Variants in ERC1 observed in about 807,000 individuals in gnomAD.
ERC1 encodes the protein RAB6 interacting protein 2.
ERC1 carries 56 observed loss-of-function variants against 132.0 expected under a neutral mutation model. That is an observed-to-expected ratio of 0.42 (90% CI 0.34 to 0.53). The LOEUF is 0.53. Among genes scored for constraint, ERC1 ranks in the 20% least tolerant of loss-of-function variants. The pLI is 0.03. For synonymous variants in ERC1, 478 were observed against 476.1 expected, an observed-to-expected ratio of 1.00 and a Z score of -0.05; for missense variants, 1,202 against 1,349.9, an observed-to-expected ratio of 0.89 and a Z score of 1.72.
At chr12:1,442,515 A>G (rs1357890707) in intron 17 of ERC1, among the ~76,000 whole-genome samples, 28 of 152,178 alleles carry the variant, frequency 1.8e-4, no homozygotes. Flanking sequence ...AATTTTAAAA[A>G]CAAAAGTAAT....
At chr12:1,438,306 A>G (rs2093001243) in intron 17 of ERC1, among the ~76,000 whole-genome samples, 1 of 152,226 alleles carries the variant, frequency 6.6e-6, no homozygotes, top group Non-Finnish European at 1.5e-5. Context: ...TTTACTTTTC[A>G]GAGTTTAGCT....
intron 15 of ERC1, among the ~76,000 whole-genome samples, chr12:1,297,444 G>A (rs1040144184): frequency 6.7e-6 from 1 of 149,824 alleles, no homozygotes; most frequent in African/African-American, 2.5e-5. Context: ...GCTCATGCCT[G>A]TAATCTCAAC....
intron 18 of ERC1, among the ~76,000 whole-genome samples, chr12:1,485,365 T>G (rs931286653): frequency 6.6e-6 from 1 of 151,740 alleles, no homozygotes; most frequent in Non-Finnish European, 1.5e-5. Context: ...CCACCACGCC[T>G]GGCTAGTTTT....
chr12:1,115,544 G>A (rs73591845), intron 6 of ERC1: 7,211 of 254,552 alleles, frequency 0.028, 539 homozygotes, highest in African/African-American at 0.15. Context: ...GTGTTCAGTT[G>A]CTTACTGCTG....
chr12:1,300,239 G>A (rs1323899136), intron 15 of ERC1, among the ~76,000 whole-genome samples: 1 of 152,088 alleles, frequency 6.6e-6, no homozygotes, highest in African/African-American at 2.4e-5. Context: ...TTCAATAAAT[G>A]GTCCTGGGAT....
chr12:1,342,446 G>A (rs1373675775), intron 15 of ERC1, among the ~76,000 whole-genome samples: 5 of 137,756 alleles, frequency 3.6e-5, no homozygotes, highest in African/African-American at 1.1e-4. Context: ...CAGCCTGGGC[G>A]ACAAAGAGCG....
At chr12:1,078,397 A>G (rs1023917913) in intron 2 of ERC1, among the ~76,000 whole-genome samples, 1 of 151,564 alleles carries the variant, frequency 6.6e-6, no homozygotes, top group Non-Finnish European at 1.5e-5. Context: ...TGGTAGTGAA[A>G]TGCATTTTAA....
chr12:1,291,758 G>C (rs963441332), intron 15 of ERC1, among the ~76,000 whole-genome samples: 2 of 152,140 alleles, frequency 1.3e-5, no homozygotes, highest in Non-Finnish European at 2.9e-5. Flanking sequence ...TGTAATTTTT[G>C]AGCGTCTGTT....
intron 12 of ERC1, among the ~76,000 whole-genome samples, chr12:1,232,195 G>T (rs915423745): frequency 6.6e-6 from 1 of 152,048 alleles, no homozygotes; most frequent in Non-Finnish European, 1.5e-5. Context: ...GTGTGTTGCG[G>T]GTTTCCTTGT....
intron 5 of ERC1, 47 bp from the exon 6 acceptor site, chr12:1,112,168 G>C: frequency 7.7e-7 from 1 of 1,290,726 alleles, no homozygotes; most frequent in South Asian, 1.2e-5. Flanking sequence ...ACAAGAAGAA[G>C]ACCTAAGTTG....
intron 12 of ERC1, among the ~76,000 whole-genome samples, chr12:1,210,956 T>C (rs1957808718): frequency 6.7e-6 from 1 of 149,878 alleles, no homozygotes; most frequent in Non-Finnish European, 1.5e-5. Flanking sequence ...GATTGTGCCA[T>C]GCCTAGCAAC....
chr12:1,197,832 G>C (rs1956478697), intron 12 of ERC1, among the ~76,000 whole-genome samples: 1 of 152,166 alleles, frequency 6.6e-6, no homozygotes, highest in Non-Finnish European at 1.5e-5. Context: ...CACAGAGGCT[G>C]GTCATCCCAG....
At chr12:1,373,932 A>C (rs2087557375) in intron 16 of ERC1, among the ~76,000 whole-genome samples, 1 of 152,260 alleles carries the variant, frequency 6.6e-6, no homozygotes, top group African/African-American at 2.4e-5. Context: ...ATGAAGAGAA[A>C]AATAATAACA....
chr12:1,445,314 C>T (rs748487393), intron 18 of ERC1, among the ~76,000 whole-genome samples: 3 of 145,916 alleles, frequency 2.1e-5, no homozygotes, highest in Admixed American at 7.0e-5. Flanking sequence ...ACTGCAACTT[C>T]CACCTCCCAG....
At chr12:1,479,720 C>G (rs1857062811) in intron 18 of ERC1, among the ~76,000 whole-genome samples, 1 of 152,164 alleles carries the variant, frequency 6.6e-6, no homozygotes, top group South Asian at 2.1e-4. Flanking sequence ...AAACAGAGTT[C>G]ACTGAAGGGA....
intron 1 of ERC1, among the ~76,000 whole-genome samples, chr12:1,008,039 G>A (rs1247916863): frequency 6.6e-6 from 1 of 152,148 alleles, no homozygotes; most frequent in African/African-American, 2.4e-5. Context: ...AATAACAGGT[G>A]GTTTTCTCTC....
chr12:1,004,078 T>C (rs543939283), intron 1 of ERC1, among the ~76,000 whole-genome samples: 24 of 152,288 alleles, frequency 1.6e-4, no homozygotes, highest in African/African-American at 5.1e-4. Flanking sequence ...GAGCTCCATA[T>C]AGGCCTTCCA....
At chr12:1,483,225 G>A (rs2094125865) in intron 18 of ERC1, among the ~76,000 whole-genome samples, 1 of 152,172 alleles carries the variant, frequency 6.6e-6, no homozygotes, top group South Asian at 2.1e-4. Flanking sequence ...TTGAGTCTGG[G>A]AGGTGGAGGT....
chr12:1,399,929 G>C (rs188026613), intron 16 of ERC1, among the ~76,000 whole-genome samples: 1 of 152,236 alleles, frequency 6.6e-6, no homozygotes, highest in East Asian at 1.9e-4. Context: ...TAAGTCATAT[G>C]GTAATTGTAT....
Sources: allele counts gnomAD v4.1 joint callset (sites outside exome capture counted in the v4.1 genomes callset), GRCh38; gene constraint gnomAD v4.1.1; transcripts MANE v1.5; gene names NCBI Gene and HGNC (gene_info 2026-07-23, HGNC 2026-07-21).